CNTNAP2: variants seen among roughly 807,000 people sequenced by gnomAD.
CNTNAP2 encodes contactin associated protein 2.
A neutral mutation model predicts 155.2 loss-of-function variants in CNTNAP2; 98 were observed. The observed-to-expected ratio is 0.63, with a 90% confidence interval of 0.54 to 0.75. CNTNAP2 has a LOEUF of 0.75. Among genes scored for constraint, CNTNAP2 ranks in the 30% least tolerant of loss-of-function variants. The probability of loss-of-function intolerance (pLI) is 0.00; values close to 1 mark genes in which losing one functional copy is unlikely to be tolerated. For missense variants in CNTNAP2, 1,727 were observed against 1,688.1 expected (o/e 1.02, Z -0.40); for synonymous variants, 651 against 631.2 (o/e 1.03, Z -0.47).
chr7:146,719,634 T>C (rs1032486488), intron 1 of CNTNAP2, among the ~76,000 whole-genome samples: 1 of 152,146 alleles, frequency 6.6e-6, no homozygotes, highest in African/African-American at 2.4e-5. Flanking sequence ...TCTTTACATA[T>C]TCTTTCTAAT....
chr7:147,352,032 C>T (rs991488320), intron 9 of CNTNAP2, among the ~76,000 whole-genome samples: 3 of 151,846 alleles, frequency 2.0e-5, no homozygotes, highest in African/African-American at 7.2e-5. Context: ...CTTTAATTAG[C>T]TGATAAAACA....
At chr7:146,375,709 C>T (rs1384342809) in intron 1 of CNTNAP2, among the ~76,000 whole-genome samples, 3 of 152,138 alleles carry the variant, frequency 2.0e-5, no homozygotes, top group Non-Finnish European at 4.4e-5. Flanking sequence ...AAATATTTTT[C>T]CCATTTAAGT....
At chr7:147,075,576 T>C (rs1033814756) in intron 4 of CNTNAP2, among the ~76,000 whole-genome samples, 2 of 152,184 alleles carry the variant, frequency 1.3e-5, no homozygotes, top group African/African-American at 4.8e-5. Context: ...TATGAATGTA[T>C]GAAATACCAT....
chr7:146,126,401 A>G (rs1052728985), intron 1 of CNTNAP2, among the ~76,000 whole-genome samples: 1 of 152,236 alleles, frequency 6.6e-6, no homozygotes, highest in African/African-American at 2.4e-5. Context: ...AGAGGAATGC[A>G]GCTCTTTCAA....
chr7:148,369,420 T>C (rs932581207), intron 21 of CNTNAP2, among the ~76,000 whole-genome samples: 33 of 151,432 alleles, frequency 2.2e-4, no homozygotes, highest in African/African-American at 7.1e-4. Flanking sequence ...AATTTTTGCA[T>C]TGTTAGTAGA....
intron 8 of CNTNAP2, among the ~76,000 whole-genome samples, chr7:147,231,036 T>C (rs1474727203): frequency 6.6e-6 from 1 of 152,202 alleles, no homozygotes; most frequent in Non-Finnish European, 1.5e-5. Context: ...TCAAAGCACG[T>C]ATTACATGGC....
chr7:146,931,727 A>T (rs1796762471), intron 3 of CNTNAP2, among the ~76,000 whole-genome samples: 1 of 149,924 alleles, frequency 6.7e-6, no homozygotes, highest in African/African-American at 2.5e-5. Flanking sequence ...AGAATCAAAT[A>T]GACACAATAA....
At chr7:147,025,099 C>G (rs1014697725) in intron 3 of CNTNAP2, among the ~76,000 whole-genome samples, 1 of 151,002 alleles carries the variant, frequency 6.6e-6, no homozygotes, top group African/African-American at 2.4e-5. Flanking sequence ...GCCTGACTTA[C>G]ATGGTGAAAC....
rs139882973 is a variant in CNTNAP2, at chr7:146,630,117, A to G, written c.98-144154A>G. ...CTGTGTGCATTAGGTATTTGTCCTA[A>G]TGCTCTCCCTCCCCTAGCCCCTCAT... On this transcript the variant is annotated intron_variant, in intron 1 of 23. Coordinates refer to ENST00000361727, the MANE Select transcript of CNTNAP2 (RefSeq NM_014141.6). Among the ~76,000 whole-genome samples, 1,082 of 151,924 alleles carry G rather than the reference A, an allele frequency of 7.1e-3. 6 individuals are homozygous for G. The highest frequency in any genetic ancestry group is 0.011 in the Non-Finnish European group (739 of 67,938).
chr7:148,304,636 A>C (rs1331948574), intron 21 of CNTNAP2, among the ~76,000 whole-genome samples: 1 of 152,162 alleles, frequency 6.6e-6, no homozygotes, highest in Non-Finnish European at 1.5e-5. Context: ...CTGGGTGCTG[A>C]AAAAACTTTA....
intron 12 of CNTNAP2, among the ~76,000 whole-genome samples, chr7:147,614,778 C>CCTGATTTATTT (rs76873408): frequency 0.68 from 103,308 of 151,144 alleles, 35,704 homozygotes; most frequent in African/African-American, 0.78. Context: ...TTCTTTTACT[C>CCTGATTTATTT]TTTTACACAT....
chr7:147,287,430 A>G (rs1490607905), intron 8 of CNTNAP2, among the ~76,000 whole-genome samples: 1 of 152,108 alleles, frequency 6.6e-6, no homozygotes, highest in Non-Finnish European at 1.5e-5. Context: ...AAGGAATTGC[A>G]CAGATGGGCC....
At chr7:147,317,776 A>ATATGTGTG (rs1405297462) in intron 9 of CNTNAP2, among the ~76,000 whole-genome samples, 21 of 134,318 alleles carry the variant, frequency 1.6e-4, no homozygotes, top group Non-Finnish European at 2.5e-4. Flanking sequence ...ATATATATAT[A>ATATGTGTG]TGTGTGTGTG....
chr7:147,453,635 C>G (rs79634723), intron 10 of CNTNAP2, among the ~76,000 whole-genome samples: 40 of 152,256 alleles, frequency 2.6e-4, no homozygotes, highest in African/African-American at 8.9e-4. Flanking sequence ...TACAGTAACA[C>G]TCGTGTAAGT....
rs574193291 is a variant in CNTNAP2, at chr7:148,159,305, T to C, written c.2773+11596T>C. On this transcript the variant is annotated intron_variant, in intron 17 of 23. Coordinates refer to ENST00000361727, the MANE Select transcript of CNTNAP2 (RefSeq NM_014141.6). ...CGCCGACACCCACTGAAACGTATTT[T>C]ATGGATGGTCTTCTAGTCCCACCCT... 2.0e-5 allele frequency among the ~76,000 whole-genome samples: 3 copies of C among 152,288 alleles called. No individual in the cohort carries two copies. In the East Asian group the frequency reaches 5.8e-4, roughly 29 times the overall value.
At chr7:148,084,877 G>A (rs1489699161) in intron 15 of CNTNAP2, among the ~76,000 whole-genome samples, 2 of 152,190 alleles carry the variant, frequency 1.3e-5, no homozygotes, top group Non-Finnish European at 2.9e-5. Flanking sequence ...TTTATCAAGT[G>A]TAATGGGAAA....
intron 18 of CNTNAP2, among the ~76,000 whole-genome samples, chr7:148,174,847 G>A (rs546595296): frequency 4.6e-5 from 7 of 152,128 alleles, no homozygotes; most frequent in South Asian, 2.1e-4. Flanking sequence ...CTATCAACCC[G>A]TCATCTAGGT....
chr7:147,969,909 A>ATTTATTTTAT (rs60858284), intron 14 of CNTNAP2, among the ~76,000 whole-genome samples: 51 of 149,550 alleles, frequency 3.4e-4, no homozygotes, highest in East Asian at 1.2e-3. Flanking sequence ...TTAGTTATGA[A>ATTTATTTTAT]TTTATTTTAT....
rs546460441 is a variant in CNTNAP2 at position 147,335,573 on chromosome 7, G to A, written c.1498+35283G>A. Among the ~76,000 whole-genome samples the A allele has an allele frequency of 5.9e-5, 9 of 152,178 alleles. No individual in the cohort carries two copies. In the South Asian group the frequency reaches 1.9e-3, roughly 32 times the overall value. ...AAAGAAAATAAATGATTGAACAAAA[G>A]AATAGCAATGGGAGGCTTTAATCTG... On this transcript the variant is annotated intron_variant, in intron 9 of 23. Transcript: ENST00000361727.
Sources: gnomAD v4.1 joint callset for allele counts (sites outside exome capture counted in the v4.1 genomes callset) on GRCh38, gnomAD v4.1.1 for gene constraint, MANE v1.5 for transcripts, NCBI Gene and HGNC (gene_info 2026-07-23, HGNC 2026-07-21) for gene names.